Variants in RARB observed in about 807,000 individuals in gnomAD.
RARB encodes the protein HBV-activated protein.
RARB carries 17 observed loss-of-function variants against 51.9 expected under a neutral mutation model. That is an observed-to-expected ratio of 0.33 (90% CI 0.22 to 0.49). The LOEUF is 0.49. Ranked by LOEUF, RARB falls within the 20% of genes least tolerant of loss-of-function variation. RARB has a pLI of 0.99. For missense variants in RARB, 369 were observed against 550.8 expected (o/e 0.67, Z 3.30); for synonymous variants, 215 against 195.4 (o/e 1.10, Z -0.84).
intron 3 of RARB, among the ~76,000 whole-genome samples, chr3:25,122,154 G>A (rs1699794397): frequency 6.6e-6 from 1 of 152,032 alleles, no homozygotes; most frequent in Non-Finnish European, 1.5e-5. Flanking sequence ...TTCAATGATG[G>A]CATATCTTTG....
chr3:25,259,426 C>T (rs1269272564), intron 5 of RARB, among the ~76,000 whole-genome samples: 1 of 152,072 alleles, frequency 6.6e-6, no homozygotes, highest in African/African-American at 2.4e-5. Context: ...CACTTGTTGA[C>T]CTGGTGAATA....
chr3:24,871,197 G>A (rs2125349291), intron 2 of RARB, among the ~76,000 whole-genome samples: 1 of 152,202 alleles, frequency 6.6e-6, no homozygotes. Flanking sequence ...TTTTTATACA[G>A]TAACACCTTA....
At chr3:25,351,021 T>C (rs925468976) in intron 5 of RARB, among the ~76,000 whole-genome samples, 55 of 152,144 alleles carry the variant, frequency 3.6e-4, no homozygotes, top group African/African-American at 1.3e-3. Context: ...AACACAGAGG[T>C]AGGAGAAACA....
intron 2 of RARB, among the ~76,000 whole-genome samples, chr3:24,925,356 T>A (rs1186742377): frequency 6.6e-6 from 1 of 152,016 alleles, no homozygotes; most frequent in Non-Finnish European, 1.5e-5. Context: ...TGGAAAGAAA[T>A]CTCAGGCCTG....
intron 2 of RARB, among the ~76,000 whole-genome samples, chr3:24,868,622 C>G (rs1022413425): frequency 6.6e-6 from 1 of 152,094 alleles, no homozygotes; most frequent in Non-Finnish European, 1.5e-5. Context: ...ATCCTCTTCC[C>G]TTTTGGAATT....
chr3:25,006,876 AT>A (rs746779602), intron 2 of RARB, among the ~76,000 whole-genome samples: 1 of 152,240 alleles, frequency 6.6e-6, no homozygotes, highest in East Asian at 1.9e-4. Flanking sequence ...TTAACAACAA[AT>A]TTTTTATGTC....
intron 5 of RARB, among the ~76,000 whole-genome samples, chr3:25,585,121 C>T (rs1227402249): frequency 6.6e-6 from 1 of 152,176 alleles, no homozygotes; most frequent in Non-Finnish European, 1.5e-5. Context: ...CCTCTCTGAG[C>T]CTCAGTTGCC....
At chr3:25,531,613 C>A (rs890425017) in intron 3 of RARB, among the ~76,000 whole-genome samples, 1 of 151,784 alleles carries the variant, frequency 6.6e-6, no homozygotes, top group Admixed American at 6.6e-5. Flanking sequence ...GCTTGACCAA[C>A]TGATTTGGTT....
intron 5 of RARB, among the ~76,000 whole-genome samples, chr3:25,277,980 C>T (rs1703433771): frequency 6.6e-6 from 1 of 152,188 alleles, no homozygotes; most frequent in African/African-American, 2.4e-5. Context: ...CTTGTGTCTT[C>T]TTTCATTCGA....
At chr3:24,898,388 T>A (rs1703524834) in intron 2 of RARB, among the ~76,000 whole-genome samples, 1 of 151,068 alleles carries the variant, frequency 6.6e-6, no homozygotes, top group Admixed American at 6.6e-5. Flanking sequence ...CAAATAGGAA[T>A]AAATTATAGG....
intron 2 of RARB, among the ~76,000 whole-genome samples, chr3:24,872,982 A>G (rs114091250): frequency 0.017 from 2,641 of 152,274 alleles, 73 homozygotes; most frequent in African/African-American, 0.06. Flanking sequence ...GCCAAACAGA[A>G]TTTTCAGCTT....
At chr3:25,164,679 C>A (rs1343168034) in intron 4 of RARB, among the ~76,000 whole-genome samples, 1 of 151,958 alleles carries the variant, frequency 6.6e-6, no homozygotes, top group African/African-American at 2.4e-5. Context: ...ACTTTGGGGA[C>A]CCTATTATGG....
At chr3:25,322,712 T>G (rs1426511629) in intron 5 of RARB, among the ~76,000 whole-genome samples, 1 of 152,196 alleles carries the variant, frequency 6.6e-6, no homozygotes, top group Non-Finnish European at 1.5e-5. Flanking sequence ...TGGCCCATAA[T>G]TCAATGGTTC....
intron 5 of RARB, among the ~76,000 whole-genome samples, chr3:25,589,678 A>G (rs773276147): frequency 1.5e-4 from 23 of 152,312 alleles, no homozygotes; most frequent in Non-Finnish European, 2.8e-4. Flanking sequence ...AAAGCAATAG[A>G]GAGATGCACA....
intron 5 of RARB, among the ~76,000 whole-genome samples, chr3:25,197,873 A>T (rs893949961): frequency 2.0e-5 from 3 of 152,082 alleles, no homozygotes; most frequent in Admixed American, 6.6e-5. Context: ...CAATCTGCAG[A>T]TTCAGAGCAA....
chr3:25,050,274 T>C (rs1204010775), intron 2 of RARB, among the ~76,000 whole-genome samples: 1 of 151,078 alleles, frequency 6.6e-6, no homozygotes, highest in Non-Finnish European at 1.5e-5. Context: ...GCACATTTAC[T>C]ATGTCAAGGT....
chr3:25,338,233 C>T (rs891976443), intron 5 of RARB, among the ~76,000 whole-genome samples: 11 of 152,080 alleles, frequency 7.2e-5, no homozygotes, highest in African/African-American at 2.4e-4. Context: ...TAATCCATTG[C>T]ATTTCAGCCT....
intron 5 of RARB, among the ~76,000 whole-genome samples, chr3:25,231,939 T>C (rs763276704): frequency 4.6e-5 from 7 of 152,068 alleles, no homozygotes; most frequent in Non-Finnish European, 8.8e-5. Flanking sequence ...TTTTTTTCTT[T>C]CGGTATCGTG....
chr3:25,419,486 C>G (rs1267158732), intron 5 of RARB, among the ~76,000 whole-genome samples: 2 of 152,264 alleles, frequency 1.3e-5, no homozygotes, highest in African/African-American at 2.4e-5. Flanking sequence ...AGGAGCCTGA[C>G]TAAAGCTTTG....
Sources: allele counts gnomAD v4.1 joint callset (sites outside exome capture counted in the v4.1 genomes callset), GRCh38; gene constraint gnomAD v4.1.1; transcripts MANE v1.5; gene names NCBI Gene and HGNC (gene_info 2026-07-23, HGNC 2026-07-21).